GTF2F2: variants seen among roughly 807,000 people sequenced by gnomAD.
The protein encoded by GTF2F2 is general transcription factor IIF subunit 2, also known as ATP-dependent helicase GTF2F2.
A neutral mutation model predicts 42.2 loss-of-function variants in GTF2F2; 23 were observed. That is an observed-to-expected ratio of 0.55 (90% confidence interval 0.39 to 0.77). GTF2F2 has a LOEUF of 0.77. Ranked by LOEUF, GTF2F2 falls within the 30% of genes least tolerant of loss-of-function variation. The pLI is 0.00. For synonymous variants in GTF2F2, 105 were observed against 100.8 expected (o/e 1.04, Z -0.25); for missense variants, 261 against 287.2 (o/e 0.91, Z 0.66).
At chr13:45,279,704 A>C (rs1475278637) in intron 7 of GTF2F2, among the ~76,000 whole-genome samples, 2 of 152,156 alleles carry the variant, frequency 1.3e-5, no homozygotes, top group Non-Finnish European at 2.9e-5. Flanking sequence ...TCAGCAGTTC[A>C]AGACCAGCCT....
At chr13:45,164,479 C>A (rs1593464717) in intron 4 of GTF2F2, among the ~76,000 whole-genome samples, 1 of 151,734 alleles carries the variant, frequency 6.6e-6, no homozygotes, top group African/African-American at 2.4e-5. Flanking sequence ...ATGCCTGTAA[C>A]CCCAGCACTT....
rs7325531 is a variant in GTF2F2 at position 45,196,168 on chromosome 13, A to C, written c.305-11256A>C. On this transcript the variant is annotated intron_variant, in intron 4 of 7. Coordinates refer to ENST00000340473, the MANE Select transcript of GTF2F2 (RefSeq NM_004128.3). ...ACATTTATGTATTATTGAGATCAAA[A>C]GTTCGTTGAAATCGAACTAGAAAAC... 6.4e-3 allele frequency among the ~76,000 whole-genome samples: 980 copies of C among 152,354 alleles called. 12 individuals carry two copies. Among genetic ancestry groups the C allele is most frequent in the African/African-American group, 0.023 (936 of 41,590 alleles).
chr13:45,135,395 G>A (rs1869565944), intron 1 of GTF2F2, among the ~76,000 whole-genome samples: 1 of 152,070 alleles, frequency 6.6e-6, no homozygotes, highest in Admixed American at 6.6e-5. Flanking sequence ...GAGTAGCTGG[G>A]ATTACAGGCA....
intron 1 of GTF2F2, among the ~76,000 whole-genome samples, chr13:45,127,492 ATTTTT>A (rs34519885): frequency 7.3e-6 from 1 of 137,468 alleles, no homozygotes. Flanking sequence ...CGCCCAACTA[ATTTTT>A]TTTTTTTTTT....
At chr13:45,221,662 C>T (rs1874121166) in intron 5 of GTF2F2, among the ~76,000 whole-genome samples, 1 of 152,102 alleles carries the variant, frequency 6.6e-6, no homozygotes, top group Non-Finnish European at 1.5e-5. Flanking sequence ...TTCCTTCCCC[C>T]TATGGACCAT....
At chr13:45,278,006 C>G (rs1298693335) in intron 7 of GTF2F2, among the ~76,000 whole-genome samples, 1 of 152,270 alleles carries the variant, frequency 6.6e-6, no homozygotes, top group South Asian at 2.1e-4. Flanking sequence ...TTTTAATGAA[C>G]ATCTACAAAT....
At chr13:45,204,833 T>A (rs994930288) in intron 4 of GTF2F2, among the ~76,000 whole-genome samples, 1 of 152,176 alleles carries the variant, frequency 6.6e-6, no homozygotes, top group Non-Finnish European at 1.5e-5. Context: ...TTGAGTAGCA[T>A]TTGGAAGCTA....
At chr13:45,259,149 G>A (rs1009867190) in intron 6 of GTF2F2, among the ~76,000 whole-genome samples, 26 of 152,046 alleles carry the variant, frequency 1.7e-4, no homozygotes, top group African/African-American at 3.4e-4. Flanking sequence ...AAAATAGGCC[G>A]GGTGCGGTGG....
At chr13:45,185,471 T>TA (rs1290462396) in intron 4 of GTF2F2, among the ~76,000 whole-genome samples, 1 of 152,224 alleles carries the variant, frequency 6.6e-6, no homozygotes, top group Non-Finnish European at 1.5e-5. Context: ...ACACATGTTG[T>TA]AAATGCCTGC....
chr13:45,139,394 G>T (rs1869802114), intron 2 of GTF2F2, among the ~76,000 whole-genome samples: 1 of 152,210 alleles, frequency 6.6e-6, no homozygotes, highest in Non-Finnish European at 1.5e-5. Flanking sequence ...CTGTGTTGTT[G>T]ATGTTTGGAC....
chr13:45,235,359 G>A (rs571263439), intron 5 of GTF2F2, among the ~76,000 whole-genome samples: 20 of 152,132 alleles, frequency 1.3e-4, no homozygotes, highest in Admixed American at 2.6e-4. Context: ...TTTATGAAAA[G>A]GAAGAGCTGT....
At chr13:45,176,329 A>T (rs909728341) in intron 4 of GTF2F2, among the ~76,000 whole-genome samples, 3 of 152,184 alleles carry the variant, frequency 2.0e-5, no homozygotes, top group Admixed American at 1.3e-4. Flanking sequence ...TTTATAAAAA[A>T]ATCTTAACTG....
Position 45,197,509 on chromosome 13 carries a change from CAAAAAA to C in GTF2F2, c.305-9903_305-9898del, listed in dbSNP as rs1195927657. 4.4e-5 allele frequency among the ~76,000 whole-genome samples: 4 copies of C among 91,474 alleles called. No homozygotes were observed. The East Asian group carries it at 1.4e-3, about 32-fold the overall frequency. The allele number at this position is 91,474 out of a possible 152,430, so 60.0% of individuals were successfully genotyped here. ...GGGCAACACAGTAAGACCCTGTCTC[CAAAAAA>C]AAAAAAAAAAAGGCACCCAGTAGGC... On this transcript the variant is annotated intron_variant, in intron 4 of 7. Transcript: ENST00000340473.
chr13:45,157,391 T>C (rs1870812730), intron 4 of GTF2F2, among the ~76,000 whole-genome samples: 1 of 152,200 alleles, frequency 6.6e-6, no homozygotes, highest in African/African-American at 2.4e-5. Flanking sequence ...GGGAAGTCAC[T>C]GGAGAGATTT....
At chr13:45,213,864 C>T (rs189420064) in intron 5 of GTF2F2, among the ~76,000 whole-genome samples, 4 of 152,152 alleles carry the variant, frequency 2.6e-5, no homozygotes, top group African/African-American at 4.8e-5. Flanking sequence ...CACATGTGCA[C>T]GTGTCTCTTG....
chr13:45,217,254 C>T (rs1319961977), intron 5 of GTF2F2, among the ~76,000 whole-genome samples: 5 of 147,944 alleles, frequency 3.4e-5, no homozygotes, highest in Non-Finnish European at 5.9e-5. Flanking sequence ...GCCGAGATCA[C>T]GCCGCCACGC....
chr13:45,191,168 G>A (rs945023305), intron 4 of GTF2F2, among the ~76,000 whole-genome samples: 10 of 139,268 alleles, frequency 7.2e-5, no homozygotes, highest in Non-Finnish European at 1.2e-4. Context: ...TCAGGATATC[G>A]AGACCATCCT....
chr13:45,171,354 C>T (rs1871591545), intron 4 of GTF2F2, among the ~76,000 whole-genome samples: 1 of 152,232 alleles, frequency 6.6e-6, no homozygotes, highest in South Asian at 2.1e-4. Context: ...CAGTCATGAG[C>T]TGCAGCACCC....
At chr13:45,191,224 A>ATATATATATATATATATATATAT (rs1555267736) in intron 4 of GTF2F2, among the ~76,000 whole-genome samples, 3 of 75,306 alleles carry the variant, frequency 4.0e-5, no homozygotes, top group East Asian at 3.0e-4. Flanking sequence ...ACAAAAAAAA[A>ATATATATATATATATATATATAT]ATATATATAT....
Sources: allele counts gnomAD v4.1 joint callset (sites outside exome capture counted in the v4.1 genomes callset), GRCh38; gene constraint gnomAD v4.1.1; transcripts MANE v1.5; gene names NCBI Gene and HGNC (gene_info 2026-07-23, HGNC 2026-07-21).